MYO15A: variants seen among roughly 807,000 people sequenced by gnomAD.
MYO15A encodes the protein myosin XVA, also known as unconventional myosin-XV.
Under a neutral mutation model 394.6 loss-of-function variants are expected in MYO15A, and 308 were observed. The ratio of observed to expected loss-of-function variants is 0.78; its 90% CI spans 0.71 to 0.86. The LOEUF (loss-of-function observed/expected upper bound fraction) is 0.86, where lower values mean the gene tolerates loss of function less well. Among genes scored for constraint, MYO15A ranks in the 40% least tolerant of loss-of-function variants. MYO15A has a pLI of 0.00. For missense variants in MYO15A, 4,606 were observed against 4,799.1 expected (o/e 0.96, Z 1.19); for synonymous variants, 1,957 against 2,003.8 (o/e 0.98, Z 0.62).
At chr17:18,124,908 A>G (rs933161145) in intron 3 of MYO15A, 1 of 594,598 alleles carries the variant, frequency 1.7e-6, no homozygotes, top group Non-Finnish European at 3.0e-6. Context: ...CAGCATCATT[A>G]TCTAATCACA....
intron 3 of MYO15A, 43 bp from the exon 4 acceptor site, chr17:18,125,125 C>T (rs2046008354): frequency 5.0e-6 from 8 of 1,593,940 alleles, no homozygotes; most frequent in East Asian, 2.2e-5. Context: ...CATGCCAGAA[C>T]CAGCCCTGGG....
At chr17:18,127,472 C>T (rs1361472724) in intron 7 of MYO15A, among the ~76,000 whole-genome samples, 1 of 152,176 alleles carries the variant, frequency 6.6e-6, no homozygotes, top group Non-Finnish European at 1.5e-5. Context: ...CCATCTCTCC[C>T]ACCTGGCCTC....
intron 29 of MYO15A, 59 bp from the exon 30 acceptor site, chr17:18,145,813 G>T (rs1042229716): frequency 6.7e-7 from 1 of 1,495,474 alleles, no homozygotes; most frequent in Non-Finnish European, 9.3e-7. Context: ...CATGTTGTGG[G>T]GTGGGGACTG....
rs201006627 is a variant in MYO15A at position 18,119,650 on chromosome 17, G to A, written c.850G>A (p.Glu284Lys). The change falls in exon 2 of 66, where the codon GAG (glutamate) becomes AAG (lysine). Residue 284 changes from glutamate (E) to lysine (K), a missense_variant. By Grantham distance (56) the Glu-to-Lys change is moderately conservative. This residue lies in a region of MYO15A where 1,830 missense variants were observed against 1,689.7 expected (regional missense o/e 1.08). Coordinates refer to ENST00000647165, the MANE Select transcript of MYO15A (RefSeq NM_016239.4). ...YGDHYYGYPP[E>K]DPYDYYHPDY... is the part of the protein sequence containing the mutation. ...CGACCACTACTACGGGTACCCGCCC[G>A]AGGATCCCTACGACTACTACCACCC... 71 of 1,604,194 alleles carry A rather than the reference G, an allele frequency of 4.4e-5. No homozygotes were observed. In the African/African-American group the frequency reaches 4.9e-4, roughly 11 times the overall value.
intron 18 of MYO15A, 99 bp from the exon 19 acceptor site, chr17:18,139,435 G>A (rs2046338749): frequency 1.5e-6 from 2 of 1,344,288 alleles, no homozygotes; most frequent in African/African-American, 1.4e-5. Flanking sequence ...GTGGGGGCTG[G>A]AGGGGTGGGG....
chr17:18,158,763 G>C (rs2046728061), intron 52 of MYO15A, 125 bp downstream of exon 52: 2 of 1,391,384 alleles, frequency 1.4e-6, no homozygotes, highest in African/African-American at 1.4e-5. Flanking sequence ...GACCACCCAG[G>C]TGTGAGGCTC....
At position 18,121,901 on chromosome 17, in the gene MYO15A, C is replaced by T. The variant is rs1239566215; in HGVS notation, c.3101C>T (p.Pro1034Leu). 4 of 1,613,138 alleles carry T rather than the reference C, an allele frequency of 2.5e-6. No individual in the cohort carries two copies. Among genetic ancestry groups the T allele is most frequent in the Admixed American group, 1.7e-5 (1 of 60,008 alleles). Residue 1034 changes from proline (P) to leucine (L), a missense_variant, in exon 2 of 66, where the codon CCT (proline) becomes CTT (leucine). By Grantham distance (98) the Pro-to-Leu change is moderately conservative (BLOSUM62 -3). Coordinates refer to ENST00000647165, the MANE Select transcript of MYO15A (RefSeq NM_016239.4). The surrounding 1 kb of genome is among the most constrained non-coding windows in gnomAD (Gnocchi z 5.3). Reference sequence around the variant, plus strand: ...GAGACCAAGCCTCCAACCCCAGCACCTCCCAAGGATGTCACTCCCCCCAAG... The same window carrying T: ...GAGACCAAGCCTCCAACCCCAGCACTTCCCAAGGATGTCACTCCCCCCAAG... ...PAETKPPTPA[P>L]PKDVTPPKDI...
At chr17:18,112,754 G>A (rs141600657) in intron 1 of MYO15A, among the ~76,000 whole-genome samples, 25 of 152,186 alleles carry the variant, frequency 1.6e-4, no homozygotes, top group Non-Finnish European at 2.9e-5. Context: ...TTTTGACTCA[G>A]AAATGCATTC....
chr17:18,142,602 C>G (rs80114135), intron 24 of MYO15A, among the ~76,000 whole-genome samples, 154 bp from the exon 25 acceptor site: 2,126 of 152,346 alleles, frequency 0.014, 29 homozygotes, highest in African/African-American at 0.039. Context: ...GTCACTGCCC[C>G]TCTCTGAGCT....
rs1334073614 is a variant in MYO15A, at chr17:18,149,559, T to C, written c.7191T>C (p.Pro2397=). 1 of 1,614,032 alleles carries C rather than the reference T, an allele frequency of 6.2e-7. No individual in the cohort carries two copies. The highest frequency in any genetic ancestry group is 2.2e-5 in the East Asian group (1 of 44,894). ...LDCYLDSLFD[P]VLSYGDADLE... ...GCTACCTGGATAGCCTCTTTGACCC[T>C]GTGCTGTCCTACGGGGATGCGGTAG... The change falls in exon 35 of 66, where the codon CCT becomes CCC. Residue 2397 remains proline (P), a synonymous_variant. Coordinates refer to ENST00000647165, the MANE Select transcript of MYO15A (RefSeq NM_016239.4).
intron 7 of MYO15A, 55 bp downstream of exon 7, chr17:18,127,220 C>G: frequency 6.3e-7 from 1 of 1,587,078 alleles, no homozygotes; most frequent in Non-Finnish European, 8.6e-7. Context: ...GATAAGCACA[C>G]CTCATGTACT....
chr17:18,111,250 G>T (rs925069135), intron 1 of MYO15A, among the ~76,000 whole-genome samples: 41 of 148,434 alleles, frequency 2.8e-4, no homozygotes, highest in African/African-American at 9.4e-4. Context: ...TGGGAGGATT[G>T]CTTGAGCCTG....
chr17:18,128,072 A>T (rs1322839343), intron 7 of MYO15A, among the ~76,000 whole-genome samples: 1 of 151,952 alleles, frequency 6.6e-6, no homozygotes, highest in East Asian at 1.9e-4. Context: ...TTTGAGGTGC[A>T]AGCAGATTGG....
intron 59 of MYO15A, 119 bp downstream of exon 59, chr17:18,163,440 C>T (rs2046805082): frequency 9.3e-7 from 1 of 1,073,986 alleles, no homozygotes; most frequent in Non-Finnish European, 1.4e-6. Flanking sequence ...CAGGCTCTCC[C>T]ACAGCCCCAC....
rs374534318 is a variant in MYO15A at position 18,155,161 on chromosome 17, G to A, written c.8276G>A (p.Arg2759Gln). The A allele has an allele frequency of 1.2e-5, 19 of 1,613,820 alleles. No individual in the cohort carries two copies. Among genetic ancestry groups the A allele is most frequent in the African/African-American group, 8.0e-5 (6 of 74,920 alleles). ...QKPLVTESVK[R>Q]AVVSTARDTW... ...CCTCTGGTAACGGAAAGCGTGAAGC[G>A]GGCCGTGGTCAGCACTGCACGAGAC... Residue 2759 changes from arginine to glutamine, a missense_variant, in exon 46 of 66, where the codon CGG becomes CAG. Coordinates refer to ENST00000647165, the MANE Select transcript of MYO15A (RefSeq NM_016239.4).
chr17:18,148,581 G>A lies in MYO15A; in HGVS notation c.6764+13G>A, dbSNP rs1334807206. 6.4e-7 allele frequency: 1 copy of A among 1,551,448 alleles called. No homozygotes were observed. Among genetic ancestry groups the A allele is most frequent in the African/African-American group, 1.4e-5 (1 of 73,138 alleles). On this transcript the variant is annotated intron_variant, in intron 32 of 65. Coordinates refer to ENST00000647165, the MANE Select transcript of MYO15A (RefSeq NM_016239.4). This position sits in a 1 kb window ranked among gnomAD's most constrained non-coding sequence, Gnocchi z 4.8. ...TTCTGAGGCACAGGTTGGCTCCTAGGATGCCCTCCCAGCACACTCTTATGT... is the reference window on the plus strand; with the variant it reads ...TTCTGAGGCACAGGTTGGCTCCTAGAATGCCCTCCCAGCACACTCTTATGT...
rs2045927655 is a variant in MYO15A at position 18,121,388 on chromosome 17, A to G, written c.2588A>G (p.Asn863Ser). ...CACAGCCCGCGGCGCAGCTCCCTGA[A>G]TCTGCCCTCGCGCCTCCCGCACACG... ...LCHSPRRSSLNLPSRLPHTWR... is the reference protein window; with the variant it reads ...LCHSPRRSSLSLPSRLPHTWR... The change falls in exon 2 of 66, where the codon AAT (asparagine) becomes AGT (serine). Residue 863 changes from asparagine (N) to serine (S), a missense_variant. Physicochemically the swap from Asn to Ser is conservative, Grantham distance 46. Around this residue, in one of 2 missense-constraint regions of MYO15A, gnomAD observed 1,830 missense variants for 1,689.7 expected, o/e 1.08. Coordinates refer to ENST00000647165, the MANE Select transcript of MYO15A (RefSeq NM_016239.4). This position sits in a 1 kb window ranked among gnomAD's most constrained non-coding sequence, Gnocchi z 5.3. 6.5e-7 allele frequency: 1 copy of G among 1,530,420 alleles called. No homozygotes were observed. The allele number at this position is 1,530,420 out of a possible 1,614,324, so 94.8% of individuals were successfully genotyped here.
chr17:18,136,612 A>G lies in MYO15A; in HGVS notation c.4705A>G (p.Thr1569Ala). 6.2e-7 allele frequency: 1 copy of G among 1,613,788 alleles called. No individual in the cohort carries two copies. Among genetic ancestry groups the G allele is most frequent in the Non-Finnish European group, 8.5e-7 (1 of 1,179,994 alleles). Residue 1569 changes from threonine (T) to alanine (A), a missense_variant, in exon 15 of 66, where the codon ACC (threonine) becomes GCC (alanine). Transcript: ENST00000647165. ...TGCACTGCTGTTCAGCTGGCTCATCACCAGGGTCAACGCGCTGGTGTCCCC... is the reference window on the plus strand; with the variant it reads ...TGCACTGCTGTTCAGCTGGCTCATCGCCAGGGTCAACGCGCTGGTGTCCCC... Reference protein sequence around the residue: ...LYALLFSWLITRVNALVSPRQ... With the variant: ...LYALLFSWLIARVNALVSPRQ...
chr17:18,166,346 C>T lies in MYO15A; in HGVS notation c.9788-15C>T. On this transcript the variant is annotated splice_polypyrimidine_tract_variant and intron_variant, in intron 60 of 65. Coordinates refer to ENST00000647165, the MANE Select transcript of MYO15A (RefSeq NM_016239.4). ...CACATGCCCCCACCCAGCCCTGCCT[C>T]CCTGCTCTCTGCAGGCCAGCATGTG... 1.2e-6 allele frequency: 2 copies of T among 1,611,114 alleles called. No homozygotes were observed. Among genetic ancestry groups the T allele is most frequent in the Non-Finnish European group, 1.7e-6 (2 of 1,180,024 alleles).
Sources: allele counts gnomAD v4.1 joint callset (sites outside exome capture counted in the v4.1 genomes callset), GRCh38; gene constraint gnomAD v4.1.1; regional missense constraint gnomAD v4.1.1; non-coding constraint Gnocchi (gnomAD v3.1); transcripts MANE v1.5; gene names NCBI Gene and HGNC (gene_info 2026-07-23, HGNC 2026-07-21).